Variants in APOBEC3F observed in about 807,000 individuals in gnomAD.
APOBEC3F encodes DNA dC->dU-editing enzyme APOBEC-3F.
APOBEC3F carries 34 observed loss-of-function variants against 45.8 expected under a neutral mutation model. The observed-to-expected ratio is 0.74, with a 90% CI of 0.57 to 0.99. The LOEUF is 0.99. APOBEC3F is among the 50% of genes least tolerant of loss of function. The pLI is 0.00. For missense variants in APOBEC3F, 459 were observed against 474.1 expected, an observed-to-expected ratio of 0.97 and a Z score of 0.30; for synonymous variants, 192 against 174.4, an observed-to-expected ratio of 1.10 and a Z score of -0.80.
At position 39,045,196 on chromosome 22, in the gene APOBEC3F, C is replaced by T. The variant is rs200657372; in HGVS notation, c.427C>T (p.Arg143Cys). 4.2e-5 allele frequency: 68 copies of T among 1,614,100 alleles called. No homozygotes were observed. In the East Asian group the frequency reaches 1.2e-3, roughly 28 times the overall value. ...ALCRLSQAGA[R>C]VKIMDDEEFA... ...CTGCAGGCTGAGTCAGGCAGGGGCC[C>T]GCGTGAAGATTATGGACGATGAAGG... The change falls in exon 3 of 7, where the codon CGC (arginine) becomes TGC (cysteine). Residue 143 changes from arginine (R) to cysteine (C), a missense_variant. Physicochemically the swap from Arg to Cys is radical, Grantham distance 180 (BLOSUM62 -3). Transcript: ENST00000308521.
rs1403385171 is a variant in APOBEC3F, at chr22:39,044,950, C to A, written c.181C>A (p.Gln61Lys). The change falls in exon 3 of 7, where the codon CAG (glutamine) becomes AAG (lysine). Residue 61 changes from glutamine (Q) to lysine (K), a missense_variant. Coordinates refer to ENST00000308521, the MANE Select transcript of APOBEC3F (RefSeq NM_145298.6). ...AKIFRGQVYS[Q>K]PEHHAEMCFL... ...CCTGCTCCTCTCCCAGGTGTATTCC[C>A]AGCCTGAGCACCACGCAGAAATGTG... The A allele has an allele frequency of 1.2e-6, 2 of 1,613,996 alleles. No homozygotes were observed. Among genetic ancestry groups the A allele is most frequent in the East Asian group, 4.5e-5 (2 of 44,868 alleles).
chr22:39,043,015 C>A lies in APOBEC3F; in HGVS notation c.96C>A (p.Thr32=). The change falls in exon 2 of 7, where the codon ACC becomes ACA. Residue 32 remains threonine (T), a synonymous_variant. Coordinates refer to ENST00000308521, the MANE Select transcript of APOBEC3F (RefSeq NM_145298.6). ...GACCCATCCTTTCTCGTCGGAATACCGTCTGGCTGTGCTACGAAGTGAAAA... is the reference window on the plus strand; with the variant it reads ...GACCCATCCTTTCTCGTCGGAATACAGTCTGGCTGTGCTACGAAGTGAAAA... The part of the protein sequence containing the change: ...YNRPILSRRN[T]VWLCYEVKTK... The A allele has an allele frequency of 6.2e-7, 1 of 1,614,166 alleles. No homozygotes were observed. Among genetic ancestry groups the A allele is most frequent in the Non-Finnish European group, 8.5e-7 (1 of 1,180,042 alleles).
At chr22:39,046,800 G>A (rs190336094) in intron 4 of APOBEC3F, among the ~76,000 whole-genome samples, 1 of 152,140 alleles carries the variant, frequency 6.6e-6, no homozygotes, top group Non-Finnish European at 1.5e-5. Flanking sequence ...ATTTTTAGTA[G>A]AGACGGGGTT....
chr22:39,042,307 TCTC>T (rs200826925), intron 1 of APOBEC3F, among the ~76,000 whole-genome samples: 25,998 of 142,402 alleles, frequency 0.18, 3,027 homozygotes, highest in South Asian at 0.26. Context: ...TTATTCTCTC[TCTC>T]TTTTTTTTTT....
chr22:39,041,083 G>A, intron 1 of APOBEC3F, 106 bp downstream of exon 1: 1 of 1,530,814 alleles, frequency 6.5e-7, no homozygotes, highest in Non-Finnish European at 8.8e-7. Flanking sequence ...CCCAGCCCTG[G>A]GCTCCCTCCC....
At chr22:39,043,987 T>G in intron 2 of APOBEC3F, 1 of 1,434,290 alleles carries the variant, frequency 7.0e-7, no homozygotes. Flanking sequence ...ATTGCATCAT[T>G]GCACTCCAGC....
chr22:39,054,678 C>T lies in APOBEC3F; in HGVS notation c.*1983C>T, dbSNP rs1927636256. Among the ~76,000 whole-genome samples the T allele has an allele frequency of 6.6e-6, 1 of 152,240 alleles. No individual in the cohort carries two copies. The highest frequency in any genetic ancestry group is 2.4e-5 in the African/African-American group (1 of 41,468). On this transcript the variant is annotated 3_prime_UTR_variant, in exon 7 of 7. Transcript: ENST00000308521. ...CTCTGTTCTCCCAACATGGTGAACA[C>T]CACCCGGACTGCGTGTATGTCCCAA...
At chr22:39,044,020 C>T (rs760106351) in intron 2 of APOBEC3F, 68 of 1,480,998 alleles carry the variant, frequency 4.6e-5, no homozygotes, top group Middle Eastern at 1.7e-4. Context: ...AGTGAAACTA[C>T]GTCTCAAAAC....
At position 39,045,461 on chromosome 22, in the gene APOBEC3F, G is replaced by A. The variant is rs542530067; in HGVS notation, c.485G>A (p.Ser162Asn). The A allele has an allele frequency of 3.9e-5, 63 of 1,614,132 alleles. No homozygotes were observed. Among genetic ancestry groups the A allele is most frequent in the African/African-American group, 1.1e-4 (8 of 75,032 alleles). ...FAYCWENFVYSEGQPFMPWYK... is the reference protein window; with the variant it reads ...FAYCWENFVYNEGQPFMPWYK... ...TACTGCTGGGAAAACTTTGTGTACA[G>A]TGAAGGTCAGCCATTCATGCCTTGG... The change falls in exon 4 of 7, where the codon AGT becomes AAT. Residue 162 changes from serine (S) to asparagine (N), a missense_variant. Physicochemically the swap from Ser to Asn is conservative, Grantham distance 46. Transcript: ENST00000308521.
In APOBEC3F at chr22:39,043,095, C is replaced by T. The variant is rs1239925838; in HGVS notation, c.171+5C>T. The T allele has an allele frequency of 1.9e-6, 3 of 1,613,990 alleles. No individual in the cohort carries two copies. The highest frequency in any genetic ancestry group is 2.2e-5 in the South Asian group (2 of 91,052). On this transcript the variant is annotated splice_donor_5th_base_variant and intron_variant, in intron 2 of 6. Transcript: ENST00000308521. ...GCAAAGATCTTTCGAGGCCAGGTAC[C>T]ACCCGGACTTCAATCACTTTGCAGG...
In APOBEC3F at chr22:39,052,987, T is replaced by TG. The variant is rs1927571867; in HGVS notation, c.*292_*293insG. 3.9e-6 allele frequency: 1 copy of TG among 255,862 alleles called. No individual in the cohort carries two copies. Among genetic ancestry groups the TG allele is most frequent in the African/African-American group, 2.3e-5 (1 of 43,384 alleles). The allele number at this position is 255,862 out of a possible 1,614,324, so 15.8% of individuals were successfully genotyped here. Reference sequence around the variant, plus strand: ...TTCCCATCTCCCCAGCATAACCTAATATTTTTTTTTTTTTTTTGAGACGGA... The same window carrying TG: ...TTCCCATCTCCCCAGCATAACCTAATGATTTTTTTTTTTTTTTTGAGACGGA... On this transcript the variant is annotated 3_prime_UTR_variant, in exon 7 of 7. Coordinates refer to ENST00000308521, the MANE Select transcript of APOBEC3F (RefSeq NM_145298.6).
In APOBEC3F at chr22:39,045,227, G is replaced by C; in HGVS notation, c.451+7G>C. The C allele has an allele frequency of 6.2e-7, 1 of 1,613,656 alleles. No homozygotes were observed. The highest frequency in any genetic ancestry group is 2.2e-5 in the East Asian group (1 of 44,876). On this transcript the variant is annotated splice_region_variant and intron_variant, in intron 3 of 6. Transcript: ENST00000308521. ...AAGATTATGGACGATGAAGGTGAGA[G>C]GTGGAGGGGTCAGGGGAGCGTGAGC...
rs770686453 is a variant in APOBEC3F, at chr22:39,045,228, G to A, written c.451+8G>A. On this transcript the variant is annotated splice_region_variant and intron_variant, in intron 3 of 6. Transcript: ENST00000308521. The stretch of plus-strand genomic sequence containing the variant: ...AGATTATGGACGATGAAGGTGAGAG[G>A]TGGAGGGGTCAGGGGAGCGTGAGCG... 3.0e-5 allele frequency: 49 copies of A among 1,613,678 alleles called. 1 individual carries two copies. In the South Asian group the frequency reaches 4.2e-4, roughly 14 times the overall value.
intron 2 of APOBEC3F, 50 bp downstream of exon 2, chr22:39,043,140 G>A (rs1322469595): frequency 2.5e-6 from 4 of 1,606,222 alleles, no homozygotes; most frequent in Non-Finnish European, 2.6e-6. Context: ...AGCCAGCTGG[G>A]AAAGCAAACC....
intron 5 of APOBEC3F, among the ~76,000 whole-genome samples, chr22:39,051,164 G>A (rs562694202): frequency 6.6e-6 from 1 of 151,946 alleles, no homozygotes; most frequent in Admixed American, 6.6e-5. Context: ...CTGAACCCAG[G>A]AGGCAGAGGT....
intron 1 of APOBEC3F, among the ~76,000 whole-genome samples, chr22:39,041,896 A>C (rs138847423): frequency 3.8e-4 from 58 of 152,238 alleles, no homozygotes; most frequent in African/African-American, 1.3e-3. Flanking sequence ...AAAACATGGA[A>C]TATATGGGAA....
intron 6 of APOBEC3F, 37 bp from the exon 7 acceptor site, chr22:39,052,540 G>T (rs370774827): frequency 6.3e-7 from 1 of 1,595,846 alleles, no homozygotes; most frequent in African/African-American, 1.3e-5. Context: ...AGAGAAGCCT[G>T]CTGGGCCCTC....
At chr22:39,045,377 C>A in intron 3 of APOBEC3F, 51 bp from the exon 4 acceptor site, 3 of 1,613,084 alleles carry the variant, frequency 1.9e-6, no homozygotes, top group Non-Finnish European at 2.5e-6. Context: ...CCTGGGAGCG[C>A]GGGCCCAGGG....
In APOBEC3F at chr22:39,053,447, A is replaced by T. The variant is rs1489287552; in HGVS notation, c.*752A>T. The T allele has an allele frequency of 6.6e-6, 1 of 151,284 alleles. No homozygotes were observed. The highest frequency in any genetic ancestry group is 3.4e-3 in the Middle Eastern group (1 of 292). The allele number at this position is 151,284 out of a possible 1,614,324, so 9.4% of individuals were successfully genotyped here. On this transcript the variant is annotated 3_prime_UTR_variant, in exon 7 of 7. Transcript: ENST00000308521. ...CACATGACAAAGCCCCATCTCTACA[A>T]AAAAATTACAAAAAAAAAAAAAACA...
Sources: gnomAD v4.1 joint callset for allele counts (sites outside exome capture counted in the v4.1 genomes callset) on GRCh38, gnomAD v4.1.1 for gene constraint, MANE v1.5 for transcripts, NCBI Gene and HGNC (gene_info 2026-07-23, HGNC 2026-07-21) for gene names.